The following FAM53A variants were observed in gnomAD, a reference collection of about 807,000 sequenced individuals.
FAM53A encodes protein FAM53A.
Under a neutral mutation model 26.6 loss-of-function variants are expected in FAM53A, and 28 were observed. The ratio of observed to expected loss-of-function variants is 1.05; its 90% CI spans 0.78 to 1.45. FAM53A has a LOEUF of 1.45. Among genes scored for constraint, FAM53A ranks in the 40% most tolerant of loss-of-function variants. FAM53A has a pLI of 0.00. For synonymous variants in FAM53A, 290 were observed against 253.1 expected (o/e 1.15, Z -1.38); for missense variants, 650 against 575.8 (o/e 1.13, Z -1.32).
chr4:1,622,200 G>C (rs1204114603), intron 1 of FAM53A, among the ~76,000 whole-genome samples: 1 of 152,228 alleles, frequency 6.6e-6, no homozygotes, highest in African/African-American at 2.4e-5. Context: ...GCAGCACGGA[G>C]AGAGGCAGGA....
intron 1 of FAM53A, among the ~76,000 whole-genome samples, chr4:1,682,308 G>A (rs1237140604): frequency 2.1e-5 from 3 of 139,948 alleles, no homozygotes; most frequent in East Asian, 2.0e-4. Flanking sequence ...CTGTCATCAC[G>A]GTGGCGTGCA....
chr4:1,615,442 C>T (rs939379592), downstream of FAM53A, among the ~76,000 whole-genome samples: 4 of 144,162 alleles, frequency 2.8e-5, no homozygotes, highest in African/African-American at 7.9e-5. Context: ...TGCGGCCACA[C>T]CCACCCTACG....
At chr4:1,614,820 A>G (rs979981064), downstream of FAM53A, among the ~76,000 whole-genome samples, 8 of 152,190 alleles carry the variant, frequency 5.3e-5, no homozygotes, top group Non-Finnish European at 1.0e-4. Context: ...GCTCACAGCC[A>G]GCGGTGCCAC....
At chr4:1,611,930 T>C in the FAM53A span, among the ~76,000 whole-genome samples, 3 of 152,200 alleles carry the variant, frequency 2.0e-5, no homozygotes, top group African/African-American at 4.8e-5. Flanking sequence ...ATAGGAGCCA[T>C]TGACCGGCGG....
At chr4:1,586,396 T>G in the FAM53A span, among the ~76,000 whole-genome samples, 20 of 152,010 alleles carry the variant, frequency 1.3e-4, no homozygotes, top group Admixed American at 1.3e-3. Flanking sequence ...GGTTTCATCA[T>G]GTTGGCCAGG....
downstream of FAM53A, among the ~76,000 whole-genome samples, chr4:1,634,915 A>T (rs1456320049): frequency 6.6e-6 from 1 of 151,712 alleles, no homozygotes; most frequent in East Asian, 1.9e-4. Context: ...AAAAAAAAAT[A>T]AAAAAATAAA....
At chr4:1,681,023 G>A (rs1470212531) in intron 1 of FAM53A, among the ~76,000 whole-genome samples, 2 of 152,128 alleles carry the variant, frequency 1.3e-5, no homozygotes, top group African/African-American at 2.4e-5. Context: ...TGTAGCAAAC[G>A]TACTACTCCG....
chr4:1,658,231 A>G (rs1393268025), intron 2 of FAM53A, among the ~76,000 whole-genome samples: 1 of 151,656 alleles, frequency 6.6e-6, no homozygotes, highest in Non-Finnish European at 1.5e-5. Context: ...CGTGTCAGCC[A>G]GGATGGTCTC....
intron 4 of FAM53A, among the ~76,000 whole-genome samples, chr4:1,642,854 C>T (rs1711849291): frequency 6.6e-6 from 1 of 152,260 alleles, no homozygotes; most frequent in African/African-American, 2.4e-5. Flanking sequence ...TCAGACGCCT[C>T]ACCTCGTGGC....
In FAM53A at chr4:1,641,540, A is replaced by G; in HGVS notation, c.950T>C (p.Val317Ala). 1 of 1,614,210 alleles carries G rather than the reference A, an allele frequency of 6.2e-7. No individual in the cohort carries two copies. Among genetic ancestry groups the G allele is most frequent in the Non-Finnish European group, 8.5e-7 (1 of 1,180,014 alleles). Reference sequence around the variant, plus strand: ...ACATGGGGAGGACAGAACCGTCTTCACTGGGGTGTCATCCTCATCGTCATC... The same window carrying G: ...ACATGGGGAGGACAGAACCGTCTTCGCTGGGGTGTCATCCTCATCGTCATC... ...YEDDDEDDTP[V>A]KTVLSSPCDS... Residue 317 changes from valine to alanine, a missense_variant, in exon 5 of 5, where the codon GTG becomes GCG. Transcript: ENST00000308132.
chr4:1,606,764 C>T, the FAM53A span, among the ~76,000 whole-genome samples: 3 of 152,326 alleles, frequency 2.0e-5, no homozygotes, highest in South Asian at 2.1e-4. Flanking sequence ...GCGAGGGACT[C>T]GGGCAGCCAC....
At position 1,655,149 on chromosome 4, in the gene FAM53A, G is replaced by C. The variant is rs1216866707; in HGVS notation, c.711C>G (p.Pro237=). The change falls in exon 4 of 5, where the codon CCC becomes CCG. Residue 237 remains proline (P), a synonymous_variant. Coordinates refer to ENST00000308132, the MANE Select transcript of FAM53A (RefSeq NM_001174070.3). ...ERLAGAGTPL[P]WASSSPTSTP... ...TGGACGTGGGGCTGCTGCTGGCCCA[G>C]GGCAGGGGAGTGCCCGCACCCGCGA... The C allele has an allele frequency of 6.3e-7, 1 of 1,583,884 alleles. No individual in the cohort carries two copies. The highest frequency in any genetic ancestry group is 2.3e-5 in the East Asian group (1 of 43,898).
chr4:1,581,783 CAG>C, the FAM53A span, among the ~76,000 whole-genome samples: 3 of 152,244 alleles, frequency 2.0e-5, no homozygotes, highest in East Asian at 1.9e-4. Flanking sequence ...TTAGTAGAGA[CAG>C]GGTTTCTCCA....
In FAM53A at chr4:1,652,119, GCCACACACACCTCATACA is replaced by G. The variant is rs1381231247; in HGVS notation, c.882+2841_882+2858del. On this transcript the variant is annotated intron_variant, in intron 4 of 4. Coordinates refer to ENST00000308132, the MANE Select transcript of FAM53A (RefSeq NM_001174070.3). ...TACCATACACACCAGACACACACAC[GCCACACACACCTCATACA>G]CCACACACACCACACGTCACACACA... Among the ~76,000 whole-genome samples the G allele has an allele frequency of 5.3e-4, 37 of 69,612 alleles. 1 individual carries two copies. The South Asian group carries it at 0.015, about 29-fold the overall frequency. The allele number at this position is 69,612 out of a possible 152,430, so 45.7% of individuals were successfully genotyped here.
the FAM53A span, among the ~76,000 whole-genome samples, chr4:1,595,039 C>T: frequency 1.3e-5 from 2 of 152,236 alleles, no homozygotes; most frequent in Non-Finnish European, 2.9e-5. Flanking sequence ...GGAGACACAG[C>T]TTGCTCATCG....
chr4:1,664,188 A>G (rs1714059235), intron 2 of FAM53A, among the ~76,000 whole-genome samples: 2 of 152,240 alleles, frequency 1.3e-5, no homozygotes, highest in South Asian at 2.1e-4. Flanking sequence ...TTTAGGTGTG[A>G]AAATGACATT....
the FAM53A span, among the ~76,000 whole-genome samples, chr4:1,611,136 G>A: frequency 6.6e-6 from 1 of 152,218 alleles, no homozygotes; most frequent in Non-Finnish European, 1.5e-5. Flanking sequence ...TCAGCCGCCT[G>A]ACCCAGCCCG....
chr4:1,631,368 G>C (rs1253692130), intron 1 of FAM53A, among the ~76,000 whole-genome samples: 2 of 152,212 alleles, frequency 1.3e-5, no homozygotes, highest in African/African-American at 4.8e-5. Context: ...CCTCAGTGTG[G>C]GGCAGTGAGG....
At chr4:1,598,362 G>A in the FAM53A span, among the ~76,000 whole-genome samples, 3 of 152,256 alleles carry the variant, frequency 2.0e-5, no homozygotes, top group Non-Finnish European at 2.9e-5. Flanking sequence ...CCCTTGGCCC[G>A]GAGGGGCACG....
Sources: gnomAD v4.1 joint callset for allele counts (sites outside exome capture counted in the v4.1 genomes callset) on GRCh38, gnomAD v4.1.1 for gene constraint, MANE v1.5 for transcripts, NCBI Gene and HGNC (gene_info 2026-07-23, HGNC 2026-07-21) for gene names.